MEIOB: variants seen among roughly 807,000 people sequenced by gnomAD.
MEIOB encodes meiosis-specific with OB domain-containing protein.
A neutral mutation model predicts 53.1 loss-of-function variants in MEIOB; 50 were observed. That is an observed-to-expected ratio of 0.94 (90% CI 0.75 to 1.19). The LOEUF (loss-of-function observed/expected upper bound fraction) is 1.19. MEIOB is among the 50% of genes most tolerant of loss of function. MEIOB has a pLI of 0.00. For synonymous variants in MEIOB, 192 were observed against 182.5 expected, an observed-to-expected ratio of 1.05 and a Z score of -0.42; for missense variants, 551 against 550.8, an observed-to-expected ratio of 1.00 and a Z score of 0.00.
chr16:1,846,253 A>C (rs1899023697), intron 9 of MEIOB, among the ~76,000 whole-genome samples: 1 of 152,224 alleles, frequency 6.6e-6, no homozygotes, highest in African/African-American at 2.4e-5. Flanking sequence ...GTGAGGCCAC[A>C]GAAATCCAGC....
At chr16:1,850,379 G>A (rs1899136408) in intron 9 of MEIOB, among the ~76,000 whole-genome samples, 1 of 151,376 alleles carries the variant, frequency 6.6e-6, no homozygotes, top group Non-Finnish European at 1.5e-5. Flanking sequence ...AGAAGTTCAA[G>A]ACCAGCCTGG....
In MEIOB at chr16:1,846,403, G is replaced by C. The variant is rs1899028213; in HGVS notation, c.779-1440C>G. ...CTATCTGATAAGCACTCTCAGGGCA[G>C]AGAAAGAAACAAGGGAATCTGGACA... is the stretch of plus-strand genomic sequence containing the variant. On this transcript the variant is annotated intron_variant, in intron 9 of 13. Transcript: ENST00000325962. Among the ~76,000 whole-genome samples the C allele has an allele frequency of 3.9e-5, 6 of 152,144 alleles. No homozygotes were observed. The South Asian group carries it at 1.2e-3, about 32-fold the overall frequency.
At chr16:1,837,936 C>T (rs66509847) in intron 12 of MEIOB, 66 bp from the exon 13 acceptor site, 242,245 of 1,448,954 alleles carry the variant, frequency 0.17, 21,571 homozygotes, top group South Asian at 0.28. Flanking sequence ...TTTTTGACAA[C>T]AGTGTGAAAC....
Position 1,839,253 on chromosome 16 carries a change from AC to A in MEIOB, c.1218+1del. The A allele has an allele frequency of 6.3e-7, 1 of 1,581,886 alleles. No individual in the cohort carries two copies. On this transcript the variant is annotated splice_donor_variant, in intron 12 of 13. Transcript: ENST00000325962. LOFTEE classifies it high-confidence loss of function. ...AAACATTTCTTCCTTTTTGCTATTT[AC>A]CGTGCAGCCCAAAGTCTCCTCAGCA...
In MEIOB at chr16:1,853,228, G is replaced by A. The variant is rs372255449; in HGVS notation, c.673C>T (p.Arg225Ter). ...SILLAQSWMPRETVIFASDVR... is the reference protein window; with the variant it reads ...SILLAQSWMP ...CATTGAATGATAATACCTGTTTCTC[G>A]TGGCATCCAGCTCTGTGCAAGTAGA... Residue 225 changes from arginine to a stop codon, truncating the protein, a stop_gained, in exon 8 of 14, where the codon CGA becomes TGA. Coordinates refer to ENST00000325962, the MANE Select transcript of MEIOB (RefSeq NM_001163560.3). LOFTEE classifies it high-confidence loss of function. The A allele has an allele frequency of 1.0e-5, 16 of 1,551,930 alleles. No homozygotes were observed. The highest frequency in any genetic ancestry group is 1.3e-5 in the Non-Finnish European group (15 of 1,146,202).
chr16:1,838,802 G>A (rs141980165), intron 12 of MEIOB, among the ~76,000 whole-genome samples: 2 of 151,774 alleles, frequency 1.3e-5, no homozygotes, highest in African/African-American at 4.8e-5. Context: ...AGTGATTCTC[G>A]TGCCCCAGCC....
chr16:1,869,683 C>CG (rs1899686604), intron 1 of MEIOB, among the ~76,000 whole-genome samples: 1 of 151,246 alleles, frequency 6.6e-6, no homozygotes, highest in East Asian at 2.0e-4. Context: ...CATCTCCTGA[C>CG]CTCGTGATCC....
Position 1,848,695 on chromosome 16 carries a change from C to T in MEIOB, c.779-3732G>A, listed in dbSNP as rs181910921. 1.1e-3 allele frequency among the ~76,000 whole-genome samples: 171 copies of T among 152,038 alleles called. 2 individuals are homozygous for T. Among genetic ancestry groups the T allele is most frequent in the Admixed American group, 0.011 (167 of 15,264 alleles). ...GTAGCTGGGACTATAGGCACCATAC[C>T]ACCACGCCCGGCTAATTTTTGTATT... On this transcript the variant is annotated intron_variant, in intron 9 of 13. Transcript: ENST00000325962.
chr16:1,862,905 CAAAA>C (rs539364531), intron 3 of MEIOB, among the ~76,000 whole-genome samples: 1 of 151,094 alleles, frequency 6.6e-6, no homozygotes, highest in Non-Finnish European at 1.5e-5. Context: ...ACTCTTGTCT[CAAAA>C]ATAAATAAAT....
intron 5 of MEIOB, among the ~76,000 whole-genome samples, chr16:1,859,921 C>T (rs1416986049): frequency 6.6e-6 from 1 of 152,200 alleles, no homozygotes; most frequent in Non-Finnish European, 1.5e-5. Flanking sequence ...CCGGCTCCTG[C>T]TGAGGCTCCA....
chr16:1,842,032 C>T (rs1039965463), intron 10 of MEIOB, 59 bp from the exon 11 acceptor site: 43 of 1,191,734 alleles, frequency 3.6e-5, no homozygotes, highest in Non-Finnish European at 4.1e-5. Flanking sequence ...TAAAAGGTTA[C>T]ATCCGAATGG....
intron 2 of MEIOB, among the ~76,000 whole-genome samples, chr16:1,867,559 G>A (rs115874446): frequency 0.013 from 1,794 of 140,764 alleles, 39 homozygotes; most frequent in African/African-American, 0.046. Context: ...CACTGAGACC[G>A]CCTTCTGGCT....
intron 1 of MEIOB, among the ~76,000 whole-genome samples, chr16:1,871,216 A>ATTTTG (rs71148105): frequency 0.82 from 122,321 of 148,552 alleles, 50,516 homozygotes; most frequent in Middle Eastern, 0.9. Context: ...TTACCCTACA[A>ATTTTG]TTTTGTTTTG....
intron 6 of MEIOB, among the ~76,000 whole-genome samples, chr16:1,855,537 G>A (rs1205423242): frequency 1.3e-5 from 2 of 152,202 alleles, no homozygotes; most frequent in African/African-American, 4.8e-5. Context: ...CACATGAAAG[G>A]TTCCAGACTC....
chr16:1,869,106 AT>A (rs1899668094), intron 1 of MEIOB, among the ~76,000 whole-genome samples: 1 of 151,994 alleles, frequency 6.6e-6, no homozygotes, highest in African/African-American at 2.4e-5. Context: ...GTTTTATTTT[AT>A]TTTTTAATTT....
rs940054093 is a variant in MEIOB, at chr16:1,843,910, T to A, written c.880+952A>T. Among the ~76,000 whole-genome samples the A allele has an allele frequency of 2.6e-5, 4 of 152,156 alleles. No homozygotes were observed. The East Asian group carries it at 7.7e-4, about 29-fold the overall frequency. ...AAACTTTTATGAGAACTTATCCGGT[T>A]CCTTCAGCACTTCATTGGTTTCTTT... is the stretch of plus-strand genomic sequence containing the variant. On this transcript the variant is annotated intron_variant, in intron 10 of 13. Transcript: ENST00000325962.
At chr16:1,840,690 A>G (rs765982140) in intron 11 of MEIOB, among the ~76,000 whole-genome samples, 1 of 151,918 alleles carries the variant, frequency 6.6e-6, no homozygotes, top group Non-Finnish European at 1.5e-5. Flanking sequence ...CTGGGACTAC[A>G]GGCGCCCACC....
At chr16:1,853,974 A>T in intron 7 of MEIOB, 126 bp downstream of exon 7, 1 of 662,682 alleles carries the variant, frequency 1.5e-6, no homozygotes, top group Non-Finnish European at 2.6e-6. Context: ...TTTATTTTTT[A>T]AAATATCATT....
intron 11 of MEIOB, 111 bp downstream of exon 11, chr16:1,841,709 A>T (rs1435296258): frequency 1.1e-5 from 8 of 707,866 alleles, no homozygotes; most frequent in Non-Finnish European, 1.7e-5. Flanking sequence ...TCTCCAATAC[A>T]TAACCCCTGT....
Sources: gnomAD v4.1 joint callset for allele counts (sites outside exome capture counted in the v4.1 genomes callset) on GRCh38, gnomAD v4.1.1 for gene constraint, MANE v1.5 for transcripts, NCBI Gene and HGNC (gene_info 2026-07-23, HGNC 2026-07-21) for gene names.